LTBP1: variants seen among roughly 807,000 people sequenced by gnomAD.
LTBP1 encodes latent transforming growth factor beta binding protein 1, also known as latent-transforming growth factor beta-binding protein 1.
Under a neutral mutation model 207.6 loss-of-function variants are expected in LTBP1, and 129 were observed. The ratio of observed to expected loss-of-function variants is 0.62; its 90% confidence interval spans 0.54 to 0.72. The LOEUF is 0.72. LTBP1 is among the 30% of genes least tolerant of loss of function. LTBP1 has a pLI of 0.00. For synonymous variants in LTBP1, 963 were observed against 833.7 expected, an observed-to-expected ratio of 1.16 and a Z score of -2.67; for missense variants, 2,281 against 2,217.2, an observed-to-expected ratio of 1.03 and a Z score of -0.58.
Position 33,171,154 on chromosome 2 carries a change from C to T in LTBP1, c.1202-15702C>T, listed in dbSNP as rs376354408. Among the ~76,000 whole-genome samples the T allele has an allele frequency of 1.3e-3, 172 of 131,270 alleles. 7 individuals carry two copies. In the South Asian group the frequency reaches 0.038, roughly 29 times the overall value. The allele number at this position is 131,270 out of a possible 152,430, so 86.1% of individuals were successfully genotyped here. On this transcript the variant is annotated intron_variant, in intron 5 of 33. Coordinates refer to ENST00000404816, the MANE Select transcript of LTBP1 (RefSeq NM_206943.4). ...TCACCAGCAACGGAACAAAGCTGGA[C>T]GGAGAATGACTTTGACGAGTTGAGA...
intron 3 of LTBP1, among the ~76,000 whole-genome samples, chr2:33,042,186 T>C (rs1282114493): frequency 6.6e-6 from 1 of 152,234 alleles, no homozygotes; most frequent in African/African-American, 2.4e-5. Context: ...CCCATGTTTT[T>C]AATTGTGCTA....
chr2:33,185,966 T>C (rs2087146250), intron 5 of LTBP1, among the ~76,000 whole-genome samples: 1 of 152,202 alleles, frequency 6.6e-6, no homozygotes, highest in South Asian at 2.1e-4. Context: ...AAGAATTCAT[T>C]AGTGATAAAG....
At position 33,277,795 on chromosome 2, in the gene LTBP1, TTC is replaced by T. The variant is rs755630785; in HGVS notation, c.2992+1882_2992+1883del. 9.9e-4 allele frequency among the ~76,000 whole-genome samples: 107 copies of T among 107,998 alleles called. 3 individuals are homozygous for T. The East Asian group carries it at 0.015, about 15-fold the overall frequency. The allele number at this position is 107,998 out of a possible 152,430, so 70.9% of individuals were successfully genotyped here. ...TTTCTTTCTTTCTTTCTTTCTTTCT[TTC>T]TCTCTCTCTTTCTTTTTTTCTTTCT... On this transcript the variant is annotated intron_variant, in intron 18 of 33. Transcript: ENST00000404816.
At chr2:33,248,497 C>A (rs817534) in intron 10 of LTBP1, among the ~76,000 whole-genome samples, 1 of 151,962 alleles carries the variant, frequency 6.6e-6, no homozygotes, top group African/African-American at 2.4e-5. Flanking sequence ...GGAGAACTGA[C>A]ATTTTAATCT....
At chr2:33,290,033 A>G (rs1394649377) in intron 19 of LTBP1, among the ~76,000 whole-genome samples, 1 of 152,184 alleles carries the variant, frequency 6.6e-6, no homozygotes, top group Non-Finnish European at 1.5e-5. Flanking sequence ...TCAAGATCAG[A>G]TGGCCACTTC....
At chr2:33,353,755 A>G (rs73925701) in intron 26 of LTBP1, among the ~76,000 whole-genome samples, 8,161 of 152,276 alleles carry the variant, frequency 0.054, 673 homozygotes, top group African/African-American at 0.18. Context: ...CCCACTGTCA[A>G]GGAACACAGA....
intron 5 of LTBP1, among the ~76,000 whole-genome samples, chr2:33,149,735 A>G (rs970739366): frequency 6.6e-6 from 1 of 151,892 alleles, no homozygotes; most frequent in Non-Finnish European, 1.5e-5. Context: ...CACAGGAGGC[A>G]TTTTTTTTGC....
At chr2:33,381,228 T>C (rs144709174) in intron 31 of LTBP1, among the ~76,000 whole-genome samples, 1 of 152,204 alleles carries the variant, frequency 6.6e-6, no homozygotes, top group Non-Finnish European at 1.5e-5. Context: ...TTATTGTGTG[T>C]GGCATAATTT....
At chr2:33,249,058 T>C (rs1378371294) in intron 10 of LTBP1, among the ~76,000 whole-genome samples, 1 of 152,128 alleles carries the variant, frequency 6.6e-6, no homozygotes, top group Admixed American at 6.5e-5. Flanking sequence ...AATGTGGAAT[T>C]TCATCCAAGA....
intron 31 of LTBP1, among the ~76,000 whole-genome samples, chr2:33,378,360 G>C (rs576299376): frequency 2.7e-3 from 406 of 151,712 alleles, no homozygotes; most frequent in African/African-American, 9.2e-3. Flanking sequence ...CGAGTAGCTG[G>C]GACTACAGGC....
Position 33,275,783 on chromosome 2 carries a change from G to A in LTBP1, c.2870-18G>A. ...TATTTGGAACACAAAACTCAACAAT[G>A]CTATCTGCTCTTCGTAGATGTTGAC... On this transcript the variant is annotated intron_variant, in intron 17 of 33. Transcript: ENST00000404816. 6.2e-7 allele frequency: 1 copy of A among 1,613,776 alleles called. No homozygotes were observed.
At chr2:33,144,708 G>A (rs977350343) in intron 5 of LTBP1, among the ~76,000 whole-genome samples, 2 of 152,190 alleles carry the variant, frequency 1.3e-5, no homozygotes, top group Non-Finnish European at 2.9e-5. Context: ...TTTATGCGAT[G>A]CAGTATATAT....
chr2:33,347,333 A>G (rs371148520), intron 25 of LTBP1, 34 bp from the exon 26 acceptor site: 5 of 1,613,528 alleles, frequency 3.1e-6, no homozygotes, highest in Non-Finnish European at 4.2e-6. Context: ...TGAATGAGGC[A>G]CACATCTCAC....
intron 5 of LTBP1, among the ~76,000 whole-genome samples, chr2:33,180,006 C>A (rs903715653): frequency 2.0e-5 from 3 of 152,148 alleles, no homozygotes; most frequent in Non-Finnish European, 4.4e-5. Context: ...AGTTTTGGAG[C>A]CTTTCTAAAA....
chr2:33,050,551 T>A (rs1394034572), intron 3 of LTBP1, among the ~76,000 whole-genome samples: 1 of 151,644 alleles, frequency 6.6e-6, no homozygotes. Context: ...AACTCTGCTT[T>A]AAAAAAAATA....
At chr2:33,115,037 T>TATACACACACACACACACACAC in intron 4 of LTBP1, among the ~76,000 whole-genome samples, 1 of 145,268 alleles carries the variant, frequency 6.9e-6, no homozygotes, top group Middle Eastern at 3.5e-3. Flanking sequence ...AACAGATATA[T>TATACACACACACACACACACAC]ACACACACAC....
chr2:33,283,433 T>TC (rs2093602380), intron 19 of LTBP1, among the ~76,000 whole-genome samples: 1 of 130,886 alleles, frequency 7.6e-6, no homozygotes, highest in Non-Finnish European at 1.6e-5. Flanking sequence ...AAGACTTTTT[T>TC]TTTTTTTTTT....
intron 10 of LTBP1, among the ~76,000 whole-genome samples, chr2:33,249,424 A>G (rs995641876): frequency 3.3e-5 from 5 of 152,098 alleles, no homozygotes; most frequent in Non-Finnish European, 5.9e-5. Context: ...CTTTGAAAGT[A>G]TAATGTGAGT....
At chr2:33,373,781 A>C (rs1163305705) in intron 31 of LTBP1, among the ~76,000 whole-genome samples, 1 of 152,204 alleles carries the variant, frequency 6.6e-6, no homozygotes, top group Non-Finnish European at 1.5e-5. Flanking sequence ...CTAGGCAAAC[A>C]ATTCTGGAAC....
Sources: allele counts gnomAD v4.1 joint callset (sites outside exome capture counted in the v4.1 genomes callset), GRCh38; gene constraint gnomAD v4.1.1; transcripts MANE v1.5; gene names NCBI Gene and HGNC (gene_info 2026-07-23, HGNC 2026-07-21).